AGBL4: variants seen among roughly 807,000 people sequenced by gnomAD.
AGBL4 encodes the protein AGBL carboxypeptidase 4.
Under a neutral mutation model 66.4 loss-of-function variants are expected in AGBL4, and 58 were observed. The observed-to-expected ratio is 0.87, with a 90% CI of 0.71 to 1.09. The LOEUF (loss-of-function observed/expected upper bound fraction) is 1.09, where lower values mean the gene tolerates loss of function less well. Among genes scored for constraint, AGBL4 ranks in the 50% least tolerant of loss-of-function variants. The pLI, the probability that AGBL4 is intolerant of heterozygous loss-of-function variation, is 0.00. For synonymous variants in AGBL4, 234 were observed against 222.9 expected (o/e 1.05, Z -0.44); for missense variants, 579 against 631.0 (o/e 0.92, Z 0.88).
intron 3 of AGBL4, among the ~76,000 whole-genome samples, chr1:49,563,696 C>T (rs1483574933): frequency 6.6e-6 from 1 of 152,110 alleles, no homozygotes; most frequent in Admixed American, 6.5e-5. Context: ...TGATGTGTTG[C>T]TGGATTTGGT....
intron 11 of AGBL4, among the ~76,000 whole-genome samples, chr1:48,544,231 T>G (rs1644123082): frequency 6.6e-6 from 1 of 152,172 alleles, no homozygotes; most frequent in Non-Finnish European, 1.5e-5. Flanking sequence ...AGCAGCAGAC[T>G]CTGGAGGCAG....
chr1:49,213,335 T>C (rs920857809), intron 4 of AGBL4, among the ~76,000 whole-genome samples: 1 of 152,122 alleles, frequency 6.6e-6, no homozygotes, highest in Non-Finnish European at 1.5e-5. Context: ...TGAATATACA[T>C]GCCTGCCAAA....
At chr1:49,283,221 C>G (rs2148408765) in intron 3 of AGBL4, among the ~76,000 whole-genome samples, 1 of 152,306 alleles carries the variant, frequency 6.6e-6, no homozygotes. Flanking sequence ...CCCCTGACCC[C>G]CGAGCAGCCT....
At chr1:48,867,495 T>C (rs974939849) in intron 5 of AGBL4, among the ~76,000 whole-genome samples, 1 of 152,124 alleles carries the variant, frequency 6.6e-6, no homozygotes. Flanking sequence ...TTATGGAAAA[T>C]GAGGCCCTGA....
chr1:49,470,988 G>C (rs951604145), intron 3 of AGBL4, among the ~76,000 whole-genome samples: 1 of 152,064 alleles, frequency 6.6e-6, no homozygotes, highest in Non-Finnish European at 1.5e-5. Context: ...GGGCTTGCCT[G>C]CCCTGCCTTA....
chr1:48,788,447 A>C (rs1001132062), intron 6 of AGBL4, among the ~76,000 whole-genome samples: 2 of 152,188 alleles, frequency 1.3e-5, no homozygotes, highest in Admixed American at 1.3e-4. Flanking sequence ...TTGTTTAAGA[A>C]AGCTGGAATC....
In AGBL4 at chr1:48,685,156, C is replaced by T. The variant is rs185003753; in HGVS notation, c.635-21915G>A. 7.2e-5 allele frequency among the ~76,000 whole-genome samples: 11 copies of T among 152,298 alleles called. No individual in the cohort carries two copies. The East Asian group carries it at 7.7e-4, about 11-fold the overall frequency. On this transcript the variant is annotated intron_variant, in intron 6 of 13. Transcript: ENST00000371839. ...GGTAGGAATGAGGCCCCAAGTTCCA[C>T]GATCCTTTCATAGAATTTTTCAAAT...
chr1:49,583,815 T>A (rs1351557382), intron 3 of AGBL4, among the ~76,000 whole-genome samples: 1 of 152,132 alleles, frequency 6.6e-6, no homozygotes, highest in Non-Finnish European at 1.5e-5. Context: ...CCACCTATCA[T>A]CTCTAGAACA....
chr1:49,674,786 G>A (rs1277784337), intron 3 of AGBL4, among the ~76,000 whole-genome samples: 1 of 152,054 alleles, frequency 6.6e-6, no homozygotes, highest in Admixed American at 6.6e-5. Context: ...ATCACTGCAA[G>A]ATTTGATTAA....
intron 6 of AGBL4, among the ~76,000 whole-genome samples, chr1:48,861,051 A>G (rs1021777397): frequency 1.3e-5 from 2 of 152,206 alleles, no homozygotes; most frequent in Admixed American, 6.5e-5. Flanking sequence ...ACAGGCAGAA[A>G]TAAAACAAGA....
chr1:49,719,059 T>C (rs576766646), intron 2 of AGBL4, among the ~76,000 whole-genome samples: 21 of 152,044 alleles, frequency 1.4e-4, no homozygotes, highest in Non-Finnish European at 2.9e-4. Context: ...TCCTTGCAAG[T>C]GGCCCTCTGC....
At chr1:49,287,749 C>T (rs1255961814) in intron 3 of AGBL4, among the ~76,000 whole-genome samples, 175 of 147,960 alleles carry the variant, frequency 1.2e-3, no homozygotes, top group Non-Finnish European at 2.1e-3. Flanking sequence ...AATAGGAACA[C>T]TTTTACACTG....
intron 2 of AGBL4, among the ~76,000 whole-genome samples, chr1:49,846,832 C>T (rs1033012015): frequency 6.6e-6 from 1 of 152,148 alleles, no homozygotes; most frequent in Non-Finnish European, 1.5e-5. Flanking sequence ...AGAATTAATA[C>T]TGTTAAAGTG....
intron 3 of AGBL4, among the ~76,000 whole-genome samples, chr1:49,466,866 C>T (rs1195377968): frequency 6.6e-6 from 1 of 151,704 alleles, no homozygotes; most frequent in African/African-American, 2.4e-5. Context: ...CATGCACACC[C>T]TTGTGATGGG....
intron 6 of AGBL4, among the ~76,000 whole-genome samples, chr1:48,786,334 G>C (rs901080940): frequency 6.6e-6 from 1 of 152,172 alleles, no homozygotes; most frequent in Non-Finnish European, 1.5e-5. Context: ...CTAAGACTTA[G>C]AGAGATCATA....
intron 3 of AGBL4, among the ~76,000 whole-genome samples, chr1:49,516,041 A>T (rs1451167098): frequency 6.2e-5 from 9 of 144,206 alleles, no homozygotes; most frequent in South Asian, 2.2e-4. Context: ...AGTATAATTT[A>T]AAAAAAAAAA....
At chr1:49,968,175 A>G (rs1657733863) in intron 1 of AGBL4, among the ~76,000 whole-genome samples, 1 of 151,346 alleles carries the variant, frequency 6.6e-6, no homozygotes, top group Non-Finnish European at 1.5e-5. Context: ...GTGAGCCAAT[A>G]TCGTGCCATT....
intron 4 of AGBL4, chr1:49,174,743 T>C (rs1296835740): frequency 6.6e-6 from 1 of 152,114 alleles, no homozygotes; most frequent in Non-Finnish European, 1.5e-5. Flanking sequence ...ACATGTAATA[T>C]TTTCTTTATC....
At chr1:49,626,920 A>T (rs901408152) in intron 3 of AGBL4, among the ~76,000 whole-genome samples, 2 of 152,206 alleles carry the variant, frequency 1.3e-5, no homozygotes, top group Non-Finnish European at 2.9e-5. Flanking sequence ...GGGCACTAAC[A>T]TAGATTTACA....
Sources: allele counts gnomAD v4.1 joint callset (sites outside exome capture counted in the v4.1 genomes callset), GRCh38; gene constraint gnomAD v4.1.1; transcripts MANE v1.5; gene names NCBI Gene and HGNC (gene_info 2026-07-23, HGNC 2026-07-21).